NAV3: variants seen among roughly 807,000 people sequenced by gnomAD.
NAV3 encodes the protein neuron navigator 3.
A neutral mutation model predicts 244.7 loss-of-function variants in NAV3; 87 were observed. The ratio of observed to expected loss-of-function variants is 0.36; its 90% confidence interval spans 0.30 to 0.42. The LOEUF (loss-of-function observed/expected upper bound fraction) is 0.42. Among genes scored for constraint, NAV3 ranks in the 20% least tolerant of loss-of-function variants. The probability of loss-of-function intolerance (pLI) is 1.00; values close to 1 mark genes in which losing one functional copy is unlikely to be tolerated. For synonymous variants in NAV3, 1,126 were observed against 1,042.2 expected (o/e 1.08, Z -1.55); for missense variants, 2,663 against 2,893.3 (o/e 0.92, Z 1.83).
chr12:77,621,712 T>A (rs1450903459), intron 2 of NAV3, among the ~76,000 whole-genome samples: 1 of 151,960 alleles, frequency 6.6e-6, no homozygotes, highest in African/African-American at 2.4e-5. Flanking sequence ...TCTCTTGACC[T>A]TGCGATCCGC....
intron 5 of NAV3, among the ~76,000 whole-genome samples, chr12:77,993,062 A>G (rs906627473): frequency 1.3e-5 from 2 of 152,196 alleles, no homozygotes; most frequent in African/African-American, 2.4e-5. Context: ...GAAAACACAC[A>G]TGGACCATAA....
intron 8 of NAV3, among the ~76,000 whole-genome samples, chr12:78,013,107 T>G (rs1265946790): frequency 6.6e-6 from 1 of 152,162 alleles, no homozygotes; most frequent in Non-Finnish European, 1.5e-5. Flanking sequence ...TTAAAATATT[T>G]AAAGAATTAA....
intron 2 of NAV3, among the ~76,000 whole-genome samples, chr12:77,630,109 A>T (rs535947944): frequency 1.3e-5 from 2 of 152,114 alleles, no homozygotes; most frequent in African/African-American, 2.4e-5. Context: ...TGGACAATGG[A>T]CTCCAGGAGT....
intron 12 of NAV3, among the ~76,000 whole-genome samples, chr12:78,067,018 T>C (rs1344983100): frequency 3.3e-5 from 5 of 152,116 alleles, no homozygotes; most frequent in Non-Finnish European, 7.4e-5. Flanking sequence ...GGGCATCAGT[T>C]ATAAGGGTGG....
chr12:78,180,788 T>G (rs1400365397), intron 29 of NAV3, 83 bp from the exon 30 acceptor site: 2 of 1,054,946 alleles, frequency 1.9e-6, no homozygotes, highest in Non-Finnish European at 2.7e-6. Flanking sequence ...ACAAACAAGC[T>G]AATTAACTCT....
chr12:77,834,570 A>G (rs946577880), intron 1 of NAV3, among the ~76,000 whole-genome samples: 1 of 152,218 alleles, frequency 6.6e-6, no homozygotes, highest in Non-Finnish European at 1.5e-5. Flanking sequence ...TCTGCTGACC[A>G]TGGCTATCTT....
At chr12:77,801,611 C>T (rs1272868386) in intron 2 of NAV3, among the ~76,000 whole-genome samples, 1 of 152,046 alleles carries the variant, frequency 6.6e-6, no homozygotes, top group Non-Finnish European at 1.5e-5. Context: ...TATTTTATTA[C>T]ACTATGACCC....
At chr12:77,620,031 T>C (rs1871305950) in intron 2 of NAV3, among the ~76,000 whole-genome samples, 1 of 152,214 alleles carries the variant, frequency 6.6e-6, no homozygotes, top group African/African-American at 2.4e-5. Flanking sequence ...ATTTTCTTCA[T>C]TGTAAAATTA....
At chr12:77,587,618 A>G (rs1869677208) in intron 2 of NAV3, among the ~76,000 whole-genome samples, 1 of 152,238 alleles carries the variant, frequency 6.6e-6, no homozygotes, top group African/African-American at 2.4e-5. Context: ...GTTCATTTTC[A>G]TTGAGTTAGA....
At chr12:78,125,143 A>G (rs923249688) in intron 16 of NAV3, among the ~76,000 whole-genome samples, 1 of 152,166 alleles carries the variant, frequency 6.6e-6, no homozygotes, top group African/African-American at 2.4e-5. Context: ...TGGTTAATTA[A>G]TTGATCAGTA....
rs766198467 is a variant in NAV3, at chr12:78,007,131, C to G, written c.1593C>G (p.Gly531=). 6.2e-7 allele frequency: 1 copy of G among 1,614,114 alleles called. No individual in the cohort carries two copies. Among genetic ancestry groups the G allele is most frequent in the Middle Eastern group, 1.6e-4 (1 of 6,062 alleles). ...CTTCCAGTGGTATTCCAAAACCAGG[C>G]TCTAAAGTTCCAACAGTAAAGCAAA... The part of the protein sequence containing the change: ...IPSSSGIPKP[G]SKVPTVKQTI... The change falls in exon 8 of 40, where the codon GGC becomes GGG. Residue 531 remains glycine, a synonymous_variant. Coordinates refer to ENST00000397909, the MANE Select transcript of NAV3 (RefSeq NM_001024383.2).
intron 2 of NAV3, among the ~76,000 whole-genome samples, chr12:77,684,860 G>GT (rs1565770977): frequency 1.3e-5 from 2 of 151,840 alleles, no homozygotes; most frequent in African/African-American, 2.4e-5. Context: ...TCATGGTTCC[G>GT]TTTTTTTCCA....
intron 2 of NAV3, among the ~76,000 whole-genome samples, chr12:77,750,661 G>A (rs1022877196): frequency 6.6e-6 from 1 of 152,110 alleles, no homozygotes; most frequent in Non-Finnish European, 1.5e-5. Flanking sequence ...AAAGCAAATG[G>A]ATCTCAGGGC....
At chr12:78,206,921 C>G (rs1219050079) in intron 39 of NAV3, among the ~76,000 whole-genome samples, 3 of 138,072 alleles carry the variant, frequency 2.2e-5, no homozygotes, top group African/African-American at 8.1e-5. Flanking sequence ...GGCAATGGCA[C>G]GATCTTGGCT....
chr12:77,852,702 AAT>A (rs1386194602), intron 1 of NAV3, among the ~76,000 whole-genome samples: 2 of 152,204 alleles, frequency 1.3e-5, no homozygotes, highest in African/African-American at 4.8e-5. Flanking sequence ...ACATACCATA[AAT>A]ATGTTTCATG....
At chr12:77,686,510 A>G (rs1249872120) in intron 2 of NAV3, among the ~76,000 whole-genome samples, 6 of 131,938 alleles carry the variant, frequency 4.5e-5, no homozygotes, top group Non-Finnish European at 9.7e-5. Flanking sequence ...AAATTGTTTT[A>G]TACTTTTCCT....
At chr12:78,068,539 C>G (rs913039832) in intron 12 of NAV3, among the ~76,000 whole-genome samples, 3 of 149,368 alleles carry the variant, frequency 2.0e-5, no homozygotes, top group Non-Finnish European at 4.4e-5. Context: ...GTGAGAGCGT[C>G]TAAAAAGCTA....
intron 2 of NAV3, among the ~76,000 whole-genome samples, chr12:77,588,517 A>T (rs1216264184): frequency 6.6e-6 from 1 of 152,028 alleles, no homozygotes; most frequent in Non-Finnish European, 1.5e-5. Context: ...GCTTTCTCAT[A>T]CTGGTGTTCA....
intron 2 of NAV3, among the ~76,000 whole-genome samples, chr12:77,811,934 CCTG>C (rs761016234): frequency 3.3e-5 from 5 of 152,190 alleles, no homozygotes; most frequent in Non-Finnish European, 7.3e-5. Flanking sequence ...TAAAAGGTAA[CCTG>C]CTATCGCCAG....
Sources: allele counts gnomAD v4.1 joint callset (sites outside exome capture counted in the v4.1 genomes callset), GRCh38; gene constraint gnomAD v4.1.1; transcripts MANE v1.5; gene names NCBI Gene and HGNC (gene_info 2026-07-23, HGNC 2026-07-21).